SSBP3: variants seen among roughly 807,000 people sequenced by gnomAD.
The protein encoded by SSBP3 is single-stranded DNA-binding protein 3.
SSBP3 carries 5 observed loss-of-function variants against 69.6 expected under a neutral mutation model. The observed-to-expected ratio is 0.07, with a 90% CI of 0.04 to 0.15. The LOEUF (loss-of-function observed/expected upper bound fraction) is 0.15. SSBP3 is among the 10% of genes least tolerant of loss of function. SSBP3 has a pLI of 1.00. For missense variants in SSBP3, 312 were observed against 534.0 expected, an observed-to-expected ratio of 0.58 and a Z score of 4.10; for synonymous variants, 196 against 193.4, an observed-to-expected ratio of 1.01 and a Z score of -0.11.
intron 4 of SSBP3, among the ~76,000 whole-genome samples, chr1:54,285,016 G>C (rs994529158): frequency 1.3e-5 from 2 of 152,070 alleles, no homozygotes; most frequent in Admixed American, 6.6e-5. Flanking sequence ...CAATGAAGGA[G>C]GACAAAAAAC....
intron 9 of SSBP3, among the ~76,000 whole-genome samples, chr1:54,250,336 A>G (rs1408996502): frequency 6.6e-6 from 1 of 152,206 alleles, no homozygotes; most frequent in Non-Finnish European, 1.5e-5. Flanking sequence ...AGATGTTCCA[A>G]CCACCACAGA....
intron 4 of SSBP3, among the ~76,000 whole-genome samples, chr1:54,392,011 G>A (rs1374777652): frequency 6.6e-6 from 1 of 152,062 alleles, no homozygotes; most frequent in East Asian, 1.9e-4. Flanking sequence ...GTGTCCCTGC[G>A]CTCTCAGGCC....
intron 11 of SSBP3, 29 bp from the exon 12 acceptor site, chr1:54,241,538 G>A (rs754825889): frequency 9.3e-6 from 15 of 1,612,842 alleles, no homozygotes; most frequent in Admixed American, 6.7e-5. Flanking sequence ...GGAGCCCCAC[G>A]TCAGAGTCAC....
chr1:54,382,351 A>C (rs1214644759), intron 4 of SSBP3, among the ~76,000 whole-genome samples: 8 of 152,240 alleles, frequency 5.3e-5, no homozygotes, highest in Admixed American at 4.6e-4. Flanking sequence ...CTAGAATTAC[A>C]GATGTTACCC....
chr1:54,261,594 G>T (rs1454255781), intron 5 of SSBP3, among the ~76,000 whole-genome samples: 1 of 152,154 alleles, frequency 6.6e-6, no homozygotes, highest in Non-Finnish European at 1.5e-5. Context: ...GCTTTTCCAT[G>T]CAGGACATCT....
chr1:54,401,011 A>T lies in SSBP3; in HGVS notation c.276+850T>A, dbSNP rs112195852. On this transcript the variant is annotated intron_variant, in intron 4 of 17. Coordinates refer to ENST00000610401, the Ensembl canonical transcript of SSBP3. ...GACATGCTTAACTGTCTACAGGGCT[A>T]GCAAGAAGAACTGAACAGAGGCTAT... is the stretch of plus-strand genomic sequence containing the variant. Among the ~76,000 whole-genome samples the T allele has an allele frequency of 2.0e-3, 299 of 152,346 alleles. 4 individuals are homozygous for T. Among genetic ancestry groups the T allele is most frequent in the Middle Eastern group, 6.8e-3 (2 of 294 alleles).
At chr1:54,312,434 A>G (rs1646020527) in intron 4 of SSBP3, among the ~76,000 whole-genome samples, 1 of 146,996 alleles carries the variant, frequency 6.8e-6, no homozygotes, top group South Asian at 2.1e-4. Context: ...TATTAAAAAT[A>G]TAAATTAGCC....
chr1:54,303,908 T>C (rs1645849139), intron 4 of SSBP3, among the ~76,000 whole-genome samples: 1 of 152,244 alleles, frequency 6.6e-6, no homozygotes, highest in Non-Finnish European at 1.5e-5. Context: ...CTTTGTTATG[T>C]GGCTACAAGG....
In SSBP3 at chr1:54,369,224, G is replaced by GT. The variant is rs1035760220; in HGVS notation, c.276+32636_276+32637insA. Among the ~76,000 whole-genome samples the GT allele has an allele frequency of 1.7e-4, 26 of 150,656 alleles. 1 individual carries two copies. Among genetic ancestry groups the GT allele is most frequent in the Admixed American group, 8.6e-4 (13 of 15,172 alleles). ...GGAAAAAGTCCTCTTGAGTCGGGGG[G>GT]GGGGCCCAAGCCAGGCTCCCTGGGA... On this transcript the variant is annotated intron_variant, in intron 4 of 17. Coordinates refer to ENST00000610401, the Ensembl canonical transcript of SSBP3.
chr1:54,317,409 C>T (rs774233066), intron 4 of SSBP3, among the ~76,000 whole-genome samples: 5 of 151,954 alleles, frequency 3.3e-5, no homozygotes, highest in Non-Finnish European at 5.9e-5. Context: ...TGGTGGCAGG[C>T]GCCTGTGATC....
chr1:54,276,216 C>T (rs558039631), intron 5 of SSBP3, among the ~76,000 whole-genome samples: 1 of 152,206 alleles, frequency 6.6e-6, no homozygotes, highest in Non-Finnish European at 1.5e-5. Flanking sequence ...CTTTTGGCAA[C>T]AGGAGCTGGG....
intron 4 of SSBP3, among the ~76,000 whole-genome samples, chr1:54,299,202 T>TAC (rs139633625): frequency 1.3e-5 from 2 of 150,986 alleles, no homozygotes; most frequent in African/African-American, 2.4e-5. Context: ...CCTAGCCAAG[T>TAC]ACACACACAC....
Position 54,226,960 on chromosome 1 carries a change from A to C in SSBP3, c.*171T>G. 1.6e-5 allele frequency: 11 copies of C among 671,040 alleles called. No individual in the cohort carries two copies. The South Asian group carries it at 1.7e-4, about 10-fold the overall frequency. 41.6% of individuals were successfully genotyped at this position (671,040 alleles called of 1,614,324 possible). ...AAAAGTTTGGCCTTTTTATTGCATG[A>C]AACTAAAATTGGGAAAGGTAGGGGG... On this transcript the variant is annotated 3_prime_UTR_variant, in exon 18 of 18. Coordinates refer to ENST00000610401, the Ensembl canonical transcript of SSBP3.
intron 4 of SSBP3, among the ~76,000 whole-genome samples, chr1:54,318,830 C>T (rs1450883381): frequency 6.6e-6 from 1 of 152,188 alleles, no homozygotes. Flanking sequence ...CTTACCTATG[C>T]CAGTTACAAT....
chr1:54,327,293 A>AACAACAACAACT (rs1315240746), intron 4 of SSBP3, among the ~76,000 whole-genome samples: 153 of 151,364 alleles, frequency 1.0e-3, no homozygotes, highest in African/African-American at 3.4e-3. Context: ...GAACAACAAC[A>AACAACAACAACT]AAAAACCCCC....
upstream of SSBP3, among the ~76,000 whole-genome samples, chr1:54,411,278 G>A (rs1164262439): frequency 6.6e-6 from 1 of 152,076 alleles, no homozygotes; most frequent in Non-Finnish European, 1.5e-5. Flanking sequence ...AAGAGTTCGA[G>A]ACCAGCCCGG....
chr1:54,381,414 G>GA (rs893181731), intron 4 of SSBP3, among the ~76,000 whole-genome samples: 1 of 147,842 alleles, frequency 6.8e-6, no homozygotes, highest in African/African-American at 2.5e-5. Context: ...AAAAGAGAGA[G>GA]AGAGCATGTC....
chr1:54,265,476 G>T (rs1645085453), intron 5 of SSBP3, among the ~76,000 whole-genome samples: 2 of 152,202 alleles, frequency 1.3e-5, no homozygotes, highest in African/African-American at 4.8e-5. Context: ...GCTGAGCTGG[G>T]CCACACAGCA....
intron 1 of SSBP3, among the ~76,000 whole-genome samples, chr1:54,405,185 G>A (rs1649630970): frequency 6.6e-6 from 1 of 152,186 alleles, no homozygotes; most frequent in Admixed American, 6.5e-5. Flanking sequence ...AAGTGGCGTC[G>A]CGGGCAAACC....
Sources: gnomAD v4.1 joint callset for allele counts (sites outside exome capture counted in the v4.1 genomes callset) on GRCh38, gnomAD v4.1.1 for gene constraint, MANE v1.5 for transcripts, NCBI Gene and HGNC (gene_info 2026-07-23, HGNC 2026-07-21) for gene names.